The following CDH13 variants were observed in gnomAD, a reference collection of about 807,000 sequenced individuals.
CDH13 encodes the protein cadherin 13.
A neutral mutation model predicts 63.8 loss-of-function variants in CDH13; 24 were observed. That is an observed-to-expected ratio of 0.38 (90% confidence interval 0.27 to 0.53). CDH13 has a LOEUF of 0.53. Ranked by LOEUF, CDH13 falls within the 20% of genes least tolerant of loss-of-function variation. CDH13 has a pLI of 0.85. For synonymous variants in CDH13, 503 were observed against 355.3 expected, an observed-to-expected ratio of 1.42 and a Z score of -4.67; for missense variants, 1,049 against 903.1, an observed-to-expected ratio of 1.16 and a Z score of -2.07.
chr16:83,646,718 C>CACAA (rs1911851170), intron 8 of CDH13, among the ~76,000 whole-genome samples: 2 of 113,986 alleles, frequency 1.8e-5, no homozygotes, highest in African/African-American at 6.3e-5. Flanking sequence ...AAAAAACACA[C>CACAA]ACACACACAC....
chr16:83,360,100 A>G (rs1261884933), intron 6 of CDH13, among the ~76,000 whole-genome samples: 2 of 152,228 alleles, frequency 1.3e-5, no homozygotes, highest in Admixed American at 1.3e-4. Context: ...TCTGTGTAGC[A>G]GGTAACAGTA....
chr16:83,355,060 G>A (rs2091026315), intron 6 of CDH13, among the ~76,000 whole-genome samples: 1 of 152,172 alleles, frequency 6.6e-6, no homozygotes, highest in Non-Finnish European at 1.5e-5. Context: ...TTTAAACTTA[G>A]TAGGAAGCCC....
At chr16:82,632,054 C>T (rs1482774292) in intron 1 of CDH13, among the ~76,000 whole-genome samples, 1 of 152,140 alleles carries the variant, frequency 6.6e-6, no homozygotes, top group Non-Finnish European at 1.5e-5. Context: ...AGGTTTCTAG[C>T]ATTTCTGAAA....
intron 5 of CDH13, among the ~76,000 whole-genome samples, chr16:83,284,016 C>G (rs953803852): frequency 2.0e-5 from 3 of 152,170 alleles, no homozygotes; most frequent in African/African-American, 7.2e-5. Flanking sequence ...TTACACAAGC[C>G]TAGAGCCAAA....
intron 1 of CDH13, 59 bp downstream of exon 1, chr16:82,627,196 G>GT: frequency 6.8e-7 from 1 of 1,478,556 alleles, no homozygotes; most frequent in Non-Finnish European, 9.3e-7. Flanking sequence ...CGGATCGCCC[G>GT]GCACGGGCAG....
At chr16:83,122,710 T>C (rs1392260319) in intron 3 of CDH13, among the ~76,000 whole-genome samples, 3 of 152,190 alleles carry the variant, frequency 2.0e-5, no homozygotes, top group Non-Finnish European at 1.5e-5. Flanking sequence ...TTTTGAAGAC[T>C]CTTAACAAAG....
chr16:83,577,360 G>A (rs1431382433), intron 7 of CDH13, among the ~76,000 whole-genome samples: 4 of 152,184 alleles, frequency 2.6e-5, no homozygotes, highest in Non-Finnish European at 4.4e-5. Context: ...TCCATGTCAC[G>A]CCTCACTGCC....
intron 4 of CDH13, among the ~76,000 whole-genome samples, chr16:83,140,447 T>C (rs1329096530): frequency 6.6e-6 from 1 of 152,186 alleles, no homozygotes; most frequent in African/African-American, 2.4e-5. Context: ...CTTTCTCATC[T>C]GATGTATCTT....
intron 4 of CDH13, among the ~76,000 whole-genome samples, chr16:83,139,438 G>A (rs6565130): frequency 0.31 from 46,382 of 152,012 alleles, 8,917 homozygotes; most frequent in African/African-American, 0.55. Flanking sequence ...TCTTCTTAGT[G>A]ATCTCTTCTT....
At chr16:82,862,876 C>T (rs1567610729) in intron 2 of CDH13, among the ~76,000 whole-genome samples, 1 of 152,226 alleles carries the variant, frequency 6.6e-6, no homozygotes, top group Non-Finnish European at 1.5e-5. Flanking sequence ...GCCGAGGCTA[C>T]TTCCAACTTG....
intron 1 of CDH13, among the ~76,000 whole-genome samples, chr16:82,846,202 A>G (rs183378357): frequency 2.0e-5 from 3 of 152,298 alleles, no homozygotes; most frequent in African/African-American, 7.2e-5. Flanking sequence ...TCATGTGAAA[A>G]GTTTCAATCA....
intron 1 of CDH13, among the ~76,000 whole-genome samples, chr16:82,790,416 C>G (rs1247610400): frequency 1.3e-5 from 2 of 152,078 alleles, no homozygotes; most frequent in African/African-American, 4.8e-5. Flanking sequence ...GCCTGGGTGA[C>G]AGAGTGAGAC....
chr16:83,163,070 G>A (rs1220028376), intron 4 of CDH13, among the ~76,000 whole-genome samples: 1 of 152,054 alleles, frequency 6.6e-6, no homozygotes, highest in African/African-American at 2.4e-5. Context: ...TAGTGAATAA[G>A]CCTCACAAGA....
intron 4 of CDH13, among the ~76,000 whole-genome samples, chr16:83,186,087 T>TTTATG (rs1201211403): frequency 7.0e-5 from 4 of 56,872 alleles, no homozygotes; most frequent in African/African-American, 1.0e-4. Flanking sequence ...ATCTTTTTAT[T>TTTATG]TTATTTTATT....
intron 5 of CDH13, among the ~76,000 whole-genome samples, chr16:83,280,209 A>G (rs2089126369): frequency 3.9e-5 from 6 of 152,210 alleles, no homozygotes; most frequent in Admixed American, 3.3e-4. Flanking sequence ...CTTGTTCCAA[A>G]ATTGGAGTCA....
chr16:82,648,180 A>T (rs1344461263), intron 1 of CDH13, among the ~76,000 whole-genome samples: 2 of 152,252 alleles, frequency 1.3e-5, no homozygotes, highest in East Asian at 3.8e-4. Flanking sequence ...GCAGTTTGAA[A>T]ATGGACTAAT....
At chr16:83,565,967 A>G (rs1452828952) in intron 7 of CDH13, among the ~76,000 whole-genome samples, 1 of 152,182 alleles carries the variant, frequency 6.6e-6, no homozygotes, top group Non-Finnish European at 1.5e-5. Context: ...CTCATGCTAT[A>G]GCGTTTGCAC....
intron 1 of CDH13, among the ~76,000 whole-genome samples, chr16:82,730,088 C>G (rs926959564): frequency 6.6e-6 from 1 of 152,196 alleles, no homozygotes; most frequent in Admixed American, 6.5e-5. Context: ...ATTCAGACCA[C>G]TTAGACTTTC....
chr16:83,168,985 G>A (rs1443214834), intron 4 of CDH13, among the ~76,000 whole-genome samples: 3 of 152,126 alleles, frequency 2.0e-5, no homozygotes, highest in Non-Finnish European at 4.4e-5. Context: ...CAGGTACACA[G>A]ACGTGGGTCC....
Sources: gnomAD v4.1 joint callset for allele counts (sites outside exome capture counted in the v4.1 genomes callset) on GRCh38, gnomAD v4.1.1 for gene constraint, MANE v1.5 for transcripts, NCBI Gene and HGNC (gene_info 2026-07-23, HGNC 2026-07-21) for gene names.